Variants in PHF24 observed in about 807,000 individuals in gnomAD.
The protein encoded by PHF24 is PHD finger protein 24.
A neutral mutation model predicts 42.6 loss-of-function variants in PHF24; 25 were observed. The observed-to-expected ratio is 0.59, with a 90% confidence interval of 0.43 to 0.82. The LOEUF is 0.82. Ranked by LOEUF, PHF24 falls within the 40% of genes least tolerant of loss-of-function variation. The pLI is 0.00. For synonymous variants in PHF24, 185 were observed against 204.8 expected, an observed-to-expected ratio of 0.90 and a Z score of 0.83; for missense variants, 470 against 538.1, an observed-to-expected ratio of 0.87 and a Z score of 1.25.
At chr9:34,875,216 C>G in the PHF24 span, among the ~76,000 whole-genome samples, 1 of 152,188 alleles carries the variant, frequency 6.6e-6, no homozygotes, top group Non-Finnish European at 1.5e-5. Flanking sequence ...ATCACACACT[C>G]TTAAGCTTGA....
the PHF24 span, among the ~76,000 whole-genome samples, chr9:34,864,624 C>T: frequency 2.0e-5 from 3 of 152,126 alleles, no homozygotes; most frequent in Non-Finnish European, 4.4e-5. Context: ...TAACACCAGA[C>T]CTGTCCTGCA....
intron 4 of PHF24, 24 bp downstream of exon 4, chr9:34,976,254 G>C: frequency 6.3e-7 from 1 of 1,588,802 alleles, no homozygotes; most frequent in Non-Finnish European, 8.6e-7. Flanking sequence ...GTGCTGCATG[G>C]ATGGAGAGGG....
the PHF24 span, chr9:34,709,149 T>C: frequency 3.4e-6 from 2 of 582,990 alleles, no homozygotes; most frequent in East Asian, 2.9e-5. Flanking sequence ...CCTCCTCTCA[T>C]GCTCCCTGGG....
the PHF24 span, among the ~76,000 whole-genome samples, chr9:34,712,841 A>G: frequency 6.6e-6 from 1 of 152,168 alleles, no homozygotes; most frequent in Non-Finnish European, 1.5e-5. Context: ...CCTTATCATC[A>G]AACCTCCCAT....
the PHF24 span, among the ~76,000 whole-genome samples, chr9:34,807,226 A>G: frequency 1.3e-5 from 2 of 152,130 alleles, no homozygotes; most frequent in South Asian, 4.1e-4. Context: ...TTCTATTCCT[A>G]GTTTGTTGTG....
intron 1 of PHF24, among the ~76,000 whole-genome samples, chr9:34,969,654 C>CA (rs1258258272): frequency 1.3e-5 from 2 of 149,140 alleles, no homozygotes; most frequent in African/African-American, 2.5e-5. Flanking sequence ...AAAAAAAAAC[C>CA]AAAAAAACAA....
At chr9:34,851,798 A>T in the PHF24 span, among the ~76,000 whole-genome samples, 1 of 152,338 alleles carries the variant, frequency 6.6e-6, no homozygotes, top group Admixed American at 6.5e-5. Flanking sequence ...GTGTAAAAAA[A>T]ACTCATCATG....
At chr9:34,726,112 T>C in the PHF24 span, 8 of 1,473,914 alleles carry the variant, frequency 5.4e-6, no homozygotes, top group Non-Finnish European at 2.8e-6. Flanking sequence ...TTGTGGACCA[T>C]TCAGAAACCC....
the PHF24 span, among the ~76,000 whole-genome samples, chr9:34,904,949 T>G: frequency 6.6e-6 from 1 of 151,862 alleles, no homozygotes; most frequent in Admixed American, 6.6e-5. Flanking sequence ...CACTTCTGAG[T>G]AGCCTAGAAC....
chr9:34,850,415 T>G, the PHF24 span, among the ~76,000 whole-genome samples: 1 of 152,260 alleles, frequency 6.6e-6, no homozygotes, highest in Non-Finnish European at 1.5e-5. Context: ...GCTTCTGCAT[T>G]CTTCACGTAG....
chr9:34,945,075 C>T, the PHF24 span, among the ~76,000 whole-genome samples: 1 of 152,140 alleles, frequency 6.6e-6, no homozygotes, highest in African/African-American at 2.4e-5. Flanking sequence ...CCCATGTCTT[C>T]CAAATGACAG....
the PHF24 span, among the ~76,000 whole-genome samples, chr9:34,722,042 T>A: frequency 6.6e-6 from 1 of 152,130 alleles, no homozygotes; most frequent in African/African-American, 2.4e-5. Context: ...TTACACTTAG[T>A]TGTTTGGTGT....
chr9:34,851,936 G>A, the PHF24 span, among the ~76,000 whole-genome samples: 2 of 152,106 alleles, frequency 1.3e-5, no homozygotes, highest in African/African-American at 4.8e-5. Context: ...ATTTGACTAT[G>A]TACTTGCTTT....
the PHF24 span, among the ~76,000 whole-genome samples, chr9:34,904,624 G>A: frequency 2.6e-5 from 4 of 151,340 alleles, no homozygotes; most frequent in African/African-American, 9.7e-5. Context: ...GATTTGGTTA[G>A]CTAGTATTTT....
At chr9:34,822,638 A>T in the PHF24 span, among the ~76,000 whole-genome samples, 5 of 152,198 alleles carry the variant, frequency 3.3e-5, no homozygotes. Context: ...AATATATTGC[A>T]ATGGATGACA....
the PHF24 span, among the ~76,000 whole-genome samples, chr9:34,794,096 A>T: frequency 1.3e-5 from 2 of 152,086 alleles, no homozygotes; most frequent in Admixed American, 6.6e-5. Flanking sequence ...TTATATACTC[A>T]TGGGCTCACC....
chr9:34,905,914 C>T, the PHF24 span, among the ~76,000 whole-genome samples: 1 of 152,110 alleles, frequency 6.6e-6, no homozygotes. Flanking sequence ...TTCTGTGTCA[C>T]GTGGACATGA....
At chr9:34,837,792 C>T in the PHF24 span, 2 of 806,372 alleles carry the variant, frequency 2.5e-6, no homozygotes, top group African/African-American at 3.4e-5. Context: ...CACTCCCTTT[C>T]TATATATCTA....
At chr9:34,666,107 G>C in the PHF24 span, 1 of 207,926 alleles carries the variant, frequency 4.8e-6, no homozygotes, top group Non-Finnish European at 1.0e-5. Context: ...TCCCCCGGAA[G>C]GGGTGGGGTG....
Sources: gnomAD v4.1 joint callset for allele counts (sites outside exome capture counted in the v4.1 genomes callset) on GRCh38, gnomAD v4.1.1 for gene constraint, MANE v1.5 for transcripts, NCBI Gene and HGNC (gene_info 2026-07-23, HGNC 2026-07-21) for gene names.